The following DIAPH2 variants were observed in gnomAD, a reference collection of about 807,000 sequenced individuals.
The protein encoded by DIAPH2 is protein diaphanous homolog 2.
A neutral mutation model predicts 92.7 loss-of-function variants in DIAPH2; 35 were observed. The ratio of observed to expected loss-of-function variants is 0.38; its 90% CI spans 0.29 to 0.50. DIAPH2 has a LOEUF of 0.50. DIAPH2 is among the 20% of genes least tolerant of loss of function. The pLI is 0.94. For missense variants in DIAPH2, 701 were observed against 819.5 expected (o/e 0.86, Z 1.77); for synonymous variants, 301 against 280.4 (o/e 1.07, Z -0.73).
At chrX:96,705,992 T>A (rs778548493) in intron 1 of DIAPH2, among the ~76,000 whole-genome samples, 4 of 112,490 alleles carry the variant, frequency 3.6e-5, no homozygotes, top group Non-Finnish European at 7.5e-5. Context: ...GCCCATAGAT[T>A]TGTTTGGTTT....
intron 17 of DIAPH2, among the ~76,000 whole-genome samples, chrX:97,026,121 A>C (rs972001817): frequency 7.1e-5 from 8 of 112,405 alleles, no homozygotes; most frequent in African/African-American, 2.6e-4. Flanking sequence ...GATAGAGATA[A>C]TAAAAGCATT....
intron 1 of DIAPH2, among the ~76,000 whole-genome samples, chrX:96,686,407 T>A (rs1368500963): frequency 1.8e-5 from 2 of 111,481 alleles, no homozygotes; most frequent in Non-Finnish European, 3.8e-5. Context: ...AAAAAAACAC[T>A]TATCTCTGTT....
chrX:97,213,510 C>G (rs1290366320), intron 22 of DIAPH2, among the ~76,000 whole-genome samples: 1 of 111,570 alleles, frequency 9.0e-6, no homozygotes, highest in Non-Finnish European at 1.9e-5. Context: ...TGTTAGTTAC[C>G]AAAGCCAACT....
intron 4 of DIAPH2, among the ~76,000 whole-genome samples, chrX:96,776,690 G>C (rs189134523): frequency 2.7e-3 from 302 of 109,860 alleles, no homozygotes; most frequent in African/African-American, 9.4e-3. Context: ...TGGTAGTAAA[G>C]AATTTGACTT....
chrX:97,330,434 T>C (rs2068991047), intron 23 of DIAPH2, among the ~76,000 whole-genome samples: 2 of 111,115 alleles, frequency 1.8e-5, no homozygotes, highest in Non-Finnish European at 3.8e-5. Flanking sequence ...GTATTTGTCC[T>C]GTGACTGACT....
At chrX:97,424,390 T>C (rs756958264) in intron 25 of DIAPH2, among the ~76,000 whole-genome samples, 15 of 111,450 alleles carry the variant, frequency 1.3e-4, no homozygotes, top group Non-Finnish European at 2.3e-4. Flanking sequence ...ATTGCAATGG[T>C]TTGTAGCCTT....
intron 4 of DIAPH2, among the ~76,000 whole-genome samples, chrX:96,855,602 A>G (rs909111816): frequency 1.8e-5 from 2 of 109,315 alleles, no homozygotes; most frequent in Non-Finnish European, 1.9e-5. Context: ...ATAAATATAG[A>G]TATAAAACCA....
chrX:96,833,109 T>C (rs531420073), intron 4 of DIAPH2, among the ~76,000 whole-genome samples: 1 of 111,172 alleles, frequency 9.0e-6, no homozygotes, highest in South Asian at 3.7e-4. Flanking sequence ...TTTTTTAAAA[T>C]TCCTTGGAAA....
intron 22 of DIAPH2, among the ~76,000 whole-genome samples, chrX:97,153,448 G>A (rs2067300284): frequency 9.1e-6 from 1 of 110,126 alleles, no homozygotes; most frequent in Non-Finnish European, 1.9e-5. Flanking sequence ...AGCCGGGCGA[G>A]GTGGCAGGCG....
chrX:97,046,697 G>A (rs956081853), intron 17 of DIAPH2, among the ~76,000 whole-genome samples: 7 of 111,932 alleles, frequency 6.3e-5, no homozygotes, highest in Admixed American at 2.8e-4. Context: ...GCATTAAGGG[G>A]AAAGTGCATT....
At chrX:97,528,890 T>G (rs1454276896) in intron 26 of DIAPH2, 3 of 110,609 alleles carry the variant, frequency 2.7e-5, no homozygotes, top group Non-Finnish European at 5.7e-5. Context: ...TTGGCCAACA[T>G]GGTGAAACCC....
At chrX:97,207,935 C>T (rs755653629) in intron 22 of DIAPH2, among the ~76,000 whole-genome samples, 201 of 111,291 alleles carry the variant, frequency 1.8e-3, no homozygotes, top group African/African-American at 5.9e-3. Flanking sequence ...GGGTGGATCA[C>T]GAGGTCAGGA....
intron 26 of DIAPH2, among the ~76,000 whole-genome samples, chrX:97,539,295 A>G (rs370609475): frequency 5.4e-4 from 60 of 111,250 alleles, no homozygotes; most frequent in African/African-American, 1.9e-3. Context: ...ATTAGAGTAG[A>G]TCTCCCAGAG....
intron 17 of DIAPH2, among the ~76,000 whole-genome samples, chrX:97,000,945 C>T (rs2066139527): frequency 8.9e-6 from 1 of 112,033 alleles, no homozygotes; most frequent in Non-Finnish European, 1.9e-5. Context: ...ACATTTGACT[C>T]AACTAATCAC....
chrX:96,939,516 GTA>G (rs71850967), intron 12 of DIAPH2, 134 bp downstream of exon 12: 4,196 of 45,741 alleles, frequency 0.092, 292 homozygotes, highest in African/African-American at 0.22. Flanking sequence ...ATATATGTAT[GTA>G]TATATATATA....
chrX:97,527,336 A>G (rs1035513649), intron 26 of DIAPH2, among the ~76,000 whole-genome samples: 2 of 112,540 alleles, frequency 1.8e-5, no homozygotes, highest in African/African-American at 6.5e-5. Flanking sequence ...AATGTAATTG[A>G]AAACTAGGAA....
At chrX:97,223,646 T>C (rs1390971836) in intron 22 of DIAPH2, among the ~76,000 whole-genome samples, 1 of 111,617 alleles carries the variant, frequency 9.0e-6, no homozygotes, top group African/African-American at 3.2e-5. Context: ...TATTTCTAAT[T>C]TCTAGGGCAA....
intron 4 of DIAPH2, among the ~76,000 whole-genome samples, chrX:96,806,833 C>T (rs181582645): frequency 1.9e-5 from 2 of 106,284 alleles, no homozygotes; most frequent in African/African-American, 3.4e-5. Flanking sequence ...CTCCGCCTCC[C>T]GGGTTCACGC....
intron 17 of DIAPH2, among the ~76,000 whole-genome samples, chrX:97,003,967 T>C (rs1439046576): frequency 9.0e-6 from 1 of 111,709 alleles, no homozygotes; most frequent in East Asian, 2.8e-4. Flanking sequence ...TTTTTATATA[T>C]AGTGAGAGAT....
Sources: allele counts gnomAD v4.1 joint callset (sites outside exome capture counted in the v4.1 genomes callset), GRCh38; gene constraint gnomAD v4.1.1; transcripts MANE v1.5; gene names NCBI Gene and HGNC (gene_info 2026-07-23, HGNC 2026-07-21).